The following MPP3 variants were observed in gnomAD, a reference collection of about 807,000 sequenced individuals.
MPP3 encodes MAGUK p55 subfamily member 3.
MPP3 carries 48 observed loss-of-function variants against 80.7 expected under a neutral mutation model. The ratio of observed to expected loss-of-function variants is 0.59; its 90% CI spans 0.47 to 0.76. The LOEUF (loss-of-function observed/expected upper bound fraction) is 0.76. Ranked by LOEUF, MPP3 falls within the 30% of genes least tolerant of loss-of-function variation. The pLI, the probability that MPP3 is intolerant of heterozygous loss-of-function variation, is 0.00. For missense variants in MPP3, 620 were observed against 763.0 expected (o/e 0.81, Z 2.21); for synonymous variants, 311 against 297.6 (o/e 1.04, Z -0.46).
chr17:43,811,369 C>T, intron 16 of MPP3, 164 bp from the exon 17 acceptor site: 1 of 612,342 alleles, frequency 1.6e-6, no homozygotes, highest in Non-Finnish European at 2.9e-6. Context: ...CCTTTCCAGG[C>T]AGGCGTATCA....
chr17:43,831,799 C>A, intron 3 of MPP3, 83 bp downstream of exon 3: 1 of 1,471,780 alleles, frequency 6.8e-7, no homozygotes, highest in South Asian at 1.3e-5. Context: ...TCTCCCCAGG[C>A]TCTCACTGCC....
At chr17:43,805,417 C>A (rs545195890) in intron 19 of MPP3, among the ~76,000 whole-genome samples, 2 of 152,178 alleles carry the variant, frequency 1.3e-5, no homozygotes, top group Non-Finnish European at 2.9e-5. Flanking sequence ...AAACATAGAA[C>A]TACCCTATGA....
At chr17:43,815,817 A>G in intron 14 of MPP3, 1 of 675,066 alleles carries the variant, frequency 1.5e-6, no homozygotes, top group Non-Finnish European at 2.7e-6. Context: ...CCGCCAGGGC[A>G]GTGTGCCCCA....
chr17:43,821,516 A>G (rs1417634303), intron 10 of MPP3, among the ~76,000 whole-genome samples: 3 of 152,188 alleles, frequency 2.0e-5, no homozygotes, highest in Admixed American at 2.0e-4. Flanking sequence ...GAACACAAAT[A>G]TCAACAAAAC....
At position 43,801,747 on chromosome 17, in the gene MPP3, T is replaced by G; in HGVS notation, c.1712A>C (p.Lys571Thr). Residue 571 changes from lysine to threonine, a missense_variant, in exon 20 of 20, where the codon AAG (lysine) becomes ACG (threonine). Transcript: ENST00000398389. Reference protein sequence around the residue: ...AYSQLKVVLEKLSKDTHWVPV... With the variant: ...AYSQLKVVLETLSKDTHWVPV... Reference sequence around the variant, plus strand: ...TACCCAGTGAGTGTCCTTGCTCAGCTTCTCTAAGACCACTTTGAGCTGGCT... The same window carrying G: ...TACCCAGTGAGTGTCCTTGCTCAGCGTCTCTAAGACCACTTTGAGCTGGCT... 3.1e-6 allele frequency: 5 copies of G among 1,614,150 alleles called. No homozygotes were observed. Among genetic ancestry groups the G allele is most frequent in the Non-Finnish European group, 4.2e-6 (5 of 1,180,020 alleles).
intron 16 of MPP3, among the ~76,000 whole-genome samples, chr17:43,813,326 G>C (rs1480678162): frequency 6.6e-6 from 1 of 152,156 alleles, no homozygotes; most frequent in Non-Finnish European, 1.5e-5. Flanking sequence ...TGCCACACAA[G>C]ATGATAACAA....
At chr17:43,806,940 A>C (rs1389846741) in intron 19 of MPP3, among the ~76,000 whole-genome samples, 1 of 151,544 alleles carries the variant, frequency 6.6e-6, no homozygotes, top group African/African-American at 2.4e-5. Flanking sequence ...TTCTAGACTT[A>C]AGTTGATATT....
At chr17:43,820,070 C>T (rs112695824) in intron 11 of MPP3, among the ~76,000 whole-genome samples, 2,640 of 152,140 alleles carry the variant, frequency 0.017, 79 homozygotes, top group African/African-American at 0.061. Context: ...CCCAGCCTCC[C>T]GAGTAGCTGG....
In MPP3 at chr17:43,831,868, G is replaced by C. The variant is rs747271620; in HGVS notation, c.25+14C>G. Reference sequence around the variant, plus strand: ...TCAGGACTGTGGCAGGTCCAGCCGGGGGGAGGTACTTACCAGAGTCCTCCG... The same window carrying C: ...TCAGGACTGTGGCAGGTCCAGCCGGCGGGAGGTACTTACCAGAGTCCTCCG... On this transcript the variant is annotated intron_variant, in intron 3 of 19. Coordinates refer to ENST00000398389, the MANE Select transcript of MPP3 (RefSeq NM_001932.6). 5.4e-5 allele frequency: 86 copies of C among 1,601,800 alleles called. No individual in the cohort carries two copies. The highest frequency in any genetic ancestry group is 7.0e-5 in the Non-Finnish European group (82 of 1,174,978).
At chr17:43,810,677 C>T in intron 18 of MPP3, 130 bp downstream of exon 18, 1 of 663,542 alleles carries the variant, frequency 1.5e-6, no homozygotes. Context: ...AAGGAAGACC[C>T]AAAGAAATTG....
In MPP3 at chr17:43,825,746, T is replaced by C. The variant is rs779049160; in HGVS notation, c.609+10A>G. On this transcript the variant is annotated intron_variant, in intron 9 of 19. Coordinates refer to ENST00000398389, the MANE Select transcript of MPP3 (RefSeq NM_001932.6). ...ACCCAGCACATCCCTAGCAGGCTTGTAGCACGGACCAGAATCTGGCTGATC... is the reference window on the plus strand; with the variant it reads ...ACCCAGCACATCCCTAGCAGGCTTGCAGCACGGACCAGAATCTGGCTGATC... The C allele has an allele frequency of 2.8e-5, 44 of 1,591,094 alleles. No individual in the cohort carries two copies. Among genetic ancestry groups the C allele is most frequent in the Non-Finnish European group, 3.6e-5 (42 of 1,159,014 alleles).
rs1264169757 is a variant in MPP3 at position 43,820,603 on chromosome 17, A to ATACACAC, written c.881+258_881+259insGTGTGTA. Among the ~76,000 whole-genome samples the ATACACAC allele has an allele frequency of 1.8e-3, 229 of 127,594 alleles. 1 individual carries two copies. The highest frequency in any genetic ancestry group is 4.9e-3 in the African/African-American group (134 of 27,292). 83.7% of individuals were successfully genotyped at this position (127,594 alleles called of 152,430 possible). ...GAGACTCTGTCTCAAAAAAAAAAAA[A>ATACACAC]ATACACACACACACACACACACACA... On this transcript the variant is annotated intron_variant, in intron 11 of 19. Transcript: ENST00000398389.
At chr17:43,808,090 A>C (rs970640875) in intron 19 of MPP3, among the ~76,000 whole-genome samples, 2 of 152,184 alleles carry the variant, frequency 1.3e-5, no homozygotes, top group African/African-American at 4.8e-5. Context: ...CCCTGTCTTT[A>C]AAAAAATAAT....
chr17:43,814,261 A>C lies in MPP3; in HGVS notation c.1110T>G (p.Thr370=), dbSNP rs1248037897. 1.9e-6 allele frequency: 3 copies of C among 1,613,406 alleles called. No individual in the cohort carries two copies. Among genetic ancestry groups the C allele is most frequent in the Non-Finnish European group, 2.5e-6 (3 of 1,179,970 alleles). ...GTTGGTACCTGGCCACCTCTTCGTAAGTCAGCAGCTCCGGAGACTCAGCTC... is the reference window on the plus strand; with the variant it reads ...GTTGGTACCTGGCCACCTCTTCGTACGTCAGCAGCTCCGGAGACTCAGCTC... ...SSGAESPELL[T]YEEVARYQHQ... The change falls in exon 15 of 20, where the codon ACT becomes ACG. Residue 370 remains threonine (T), a synonymous_variant. Coordinates refer to ENST00000398389, the MANE Select transcript of MPP3 (RefSeq NM_001932.6).
At chr17:43,810,731 AG>A in intron 18 of MPP3, 75 bp downstream of exon 18, 1 of 970,752 alleles carries the variant, frequency 1.0e-6, no homozygotes, top group Non-Finnish European at 1.6e-6. Context: ...ACTGAGGTTA[AG>A]TGTTGTGTAA....
At chr17:43,812,680 A>T (rs1178953156) in intron 16 of MPP3, among the ~76,000 whole-genome samples, 1 of 152,206 alleles carries the variant, frequency 6.6e-6, no homozygotes, top group Non-Finnish European at 1.5e-5. Context: ...AAAGGAGGAA[A>T]GTCTCCTATC....
intron 19 of MPP3, among the ~76,000 whole-genome samples, chr17:43,803,377 T>G (rs1255133069): frequency 6.6e-6 from 1 of 152,152 alleles, no homozygotes; most frequent in Admixed American, 6.6e-5. Flanking sequence ...ACGTGTGACA[T>G]TTGCTTAGCA....
chr17:43,817,922 C>A (rs1435988139), intron 12 of MPP3, 124 bp downstream of exon 12: 2 of 465,340 alleles, frequency 4.3e-6, no homozygotes, highest in Non-Finnish European at 7.2e-6. Context: ...CCTCTGGAGT[C>A]CATGAGCTCA....
chr17:43,813,891 G>A, intron 16 of MPP3, 120 bp downstream of exon 16: 2 of 829,546 alleles, frequency 2.4e-6, no homozygotes, highest in Admixed American at 2.5e-5. Flanking sequence ...CCAATAGCAG[G>A]CAGTGCCTGG....
Sources: gnomAD v4.1 joint callset for allele counts (sites outside exome capture counted in the v4.1 genomes callset) on GRCh38, gnomAD v4.1.1 for gene constraint, MANE v1.5 for transcripts, NCBI Gene and HGNC (gene_info 2026-07-23, HGNC 2026-07-21) for gene names.